The following ATP7B variants were observed in gnomAD, a reference collection of about 807,000 sequenced individuals.
ATP7B encodes copper-transporting ATPase 2.
Under a neutral mutation model 118.9 loss-of-function variants are expected in ATP7B, and 113 were observed. That is an observed-to-expected ratio of 0.95 (90% CI 0.82 to 1.11). The LOEUF is 1.11. Ranked by LOEUF, ATP7B falls within the 50% of genes most tolerant of loss-of-function variation. ATP7B has a pLI of 0.00. For synonymous variants in ATP7B, 777 were observed against 727.4 expected, an observed-to-expected ratio of 1.07 and a Z score of -1.10; for missense variants, 1,867 against 1,871.4, an observed-to-expected ratio of 1.00 and a Z score of 0.04.
intron 1 of ATP7B, among the ~76,000 whole-genome samples, chr13:51,987,807 G>A (rs1002862923): frequency 4.0e-5 from 6 of 151,890 alleles, no homozygotes; most frequent in African/African-American, 9.7e-5. Context: ...AAGCAATGGG[G>A]AAAGGATTCC....
intron 1 of ATP7B, among the ~76,000 whole-genome samples, chr13:51,984,113 C>A (rs750865297): frequency 2.6e-5 from 4 of 151,846 alleles, no homozygotes; most frequent in Non-Finnish European, 5.9e-5. Flanking sequence ...TAAAAAAACT[C>A]CACCGAGCTA....
rs377586515 is a variant in ATP7B at position 51,944,192 on chromosome 13, T to G, written c.3160A>C (p.Arg1054=). The G allele has an allele frequency of 7.2e-5, 117 of 1,614,012 alleles. No homozygotes were observed. In the Middle Eastern group the frequency reaches 1.6e-3, roughly 23 times the overall value. The change falls in exon 14 of 21, where the codon AGG becomes CGG. Residue 1054 remains arginine, a synonymous_variant. Coordinates refer to ENST00000242839, the MANE Select transcript of ATP7B (RefSeq NM_000053.4). ...LLGDVATLPL[R]KVLAVVGTAE... ...GTCCCCACCACAGCCAGAACCTTCC[T>G]GAGGGGCAGTGTGGCCACATCCCCC...
At chr13:51,964,835 T>A (rs774994734) in intron 5 of ATP7B, 37 bp downstream of exon 5, 2 of 1,606,000 alleles carry the variant, frequency 1.2e-6, no homozygotes, top group African/African-American at 2.7e-5. Context: ...TTACTGTTTT[T>A]AAAAAGGTGA....
At chr13:51,936,302 A>C (rs1956957198) in intron 19 of ATP7B, among the ~76,000 whole-genome samples, 1 of 152,172 alleles carries the variant, frequency 6.6e-6, no homozygotes, top group Admixed American at 6.5e-5. Context: ...CAGGAAGCCA[A>C]GGCCCTGTTA....
chr13:51,970,522 T>C lies in ATP7B; in HGVS notation c.1513A>G (p.Asn505Asp). 6.2e-7 allele frequency: 1 copy of C among 1,614,200 alleles called. No homozygotes were observed. The highest frequency in any genetic ancestry group is 8.5e-7 in the Non-Finnish European group (1 of 1,180,026). The change falls in exon 3 of 21, where the codon AAC becomes GAC. Residue 505 changes from asparagine (N) to aspartate (D), a missense_variant. Coordinates refer to ENST00000242839, the MANE Select transcript of ATP7B (RefSeq NM_000053.4). ...KGMTCASCVS[N>D]IERNLQKEAG... is the part of the protein sequence containing the mutation. ...TCTTTCTGCAGATTCCTTTCTATGT[T>C]AGACACACAGGATGCACAGGTCATG...
At chr13:52,005,721 T>C (rs1953735208) in intron 1 of ATP7B, among the ~76,000 whole-genome samples, 1 of 152,202 alleles carries the variant, frequency 6.6e-6, no homozygotes, top group South Asian at 2.1e-4. Context: ...GCCTCTACCC[T>C]TTACCCAGTT....
intron 7 of ATP7B, chr13:51,959,185 ATTG>A (rs1958565183): frequency 6.4e-6 from 1 of 155,834 alleles, no homozygotes; most frequent in Admixed American, 6.2e-5. Context: ...TACGGTTTGA[ATTG>A]TTAATAATAA....
rs2139960238 is a variant in ATP7B, at chr13:51,970,495, C to T, written c.1540G>A (p.Ala514Thr). ...SNIERNLQKE[A>T]GVLSVLVALM... Reference sequence around the variant, plus strand: ...AACATGGGCGTTCATCTCTTACCAGCTTCTTTCTGCAGATTCCTTTCTATG... The same window carrying T: ...AACATGGGCGTTCATCTCTTACCAGTTTCTTTCTGCAGATTCCTTTCTATG... Residue 514 changes from alanine to threonine, a missense_variant, in exon 3 of 21, where the codon GCT becomes ACT. Coordinates refer to ENST00000242839, the MANE Select transcript of ATP7B (RefSeq NM_000053.4). 6.2e-7 allele frequency: 1 copy of T among 1,614,200 alleles called. No individual in the cohort carries two copies. The highest frequency in any genetic ancestry group is 2.2e-5 in the East Asian group (1 of 44,878).
chr13:51,980,562 T>C (rs999226250), intron 1 of ATP7B, among the ~76,000 whole-genome samples: 1 of 152,238 alleles, frequency 6.6e-6, no homozygotes, highest in Non-Finnish European at 1.5e-5. Flanking sequence ...TAAGCCATTC[T>C]GATATGAAGA....
intron 20 of ATP7B, among the ~76,000 whole-genome samples, chr13:51,935,312 T>C (rs1329198716): frequency 6.6e-6 from 1 of 152,168 alleles, no homozygotes; most frequent in Non-Finnish European, 1.5e-5. Context: ...AAAAAAGTGA[T>C]AGATCATACA....
intron 1 of ATP7B, among the ~76,000 whole-genome samples, chr13:51,995,797 G>A (rs1953177350): frequency 6.6e-6 from 1 of 152,130 alleles, no homozygotes; most frequent in African/African-American, 2.4e-5. Context: ...AACCGTCCCA[G>A]CACTTGGCAC....
intron 1 of ATP7B, among the ~76,000 whole-genome samples, chr13:51,976,271 T>C (rs1175191183): frequency 6.6e-6 from 1 of 152,216 alleles, no homozygotes; most frequent in African/African-American, 2.4e-5. Context: ...CTCCTTTACA[T>C]GGAATGATCT....
At chr13:51,994,095 T>A (rs1953073111) in intron 1 of ATP7B, among the ~76,000 whole-genome samples, 1 of 152,364 alleles carries the variant, frequency 6.6e-6, no homozygotes, top group African/African-American at 2.4e-5. Context: ...ATATTTAGTA[T>A]TTCACTATTT....
intron 1 of ATP7B, among the ~76,000 whole-genome samples, chr13:51,990,918 T>C (rs889864580): frequency 2.0e-5 from 3 of 152,170 alleles, no homozygotes; most frequent in Admixed American, 6.5e-5. Context: ...TGAAACCTCA[T>C]CTCTACTAAA....
chr13:51,935,605 A>G lies in ATP7B; in HGVS notation c.4112T>C (p.Leu1371Pro), dbSNP rs1444841250. The change falls in exon 20 of 21, where the codon CTG (leucine) becomes CCG (proline). Residue 1371 changes from leucine to proline, a missense_variant. Transcript: ENST00000242839. The part of the protein sequence containing the change: ...ASSVSVVLSS[L>P]QLKCYKKPDL... ...TGAGGGGACTCACCACTTGAGCTGC[A>G]GGGATGAGAGCACCACAGACACAGA... 1 of 1,613,488 alleles carries G rather than the reference A, an allele frequency of 6.2e-7. No homozygotes were observed. The highest frequency in any genetic ancestry group is 2.2e-5 in the East Asian group (1 of 44,864).
intron 16 of ATP7B, among the ~76,000 whole-genome samples, chr13:51,939,411 C>T (rs1001991915): frequency 6.6e-6 from 1 of 152,182 alleles, no homozygotes; most frequent in South Asian, 2.1e-4. Flanking sequence ...CGCAGTGGCT[C>T]CCCAAGGAAT....
chr13:52,001,950 C>T (rs1953511047), intron 1 of ATP7B, among the ~76,000 whole-genome samples: 1 of 152,076 alleles, frequency 6.6e-6, no homozygotes, highest in South Asian at 2.1e-4. Context: ...GCCACGATGC[C>T]CAGCTTGCTT....
chr13:52,011,370 C>G lies in ATP7B; in HGVS notation c.-33G>C, dbSNP rs764314257. ...CACGGACACCGAATTCTTCTCTGAT[C>G]TGGCTCAGAGCAAAAGGTCACCTGG... On this transcript the variant is annotated 5_prime_UTR_variant, in exon 1 of 21. Coordinates refer to ENST00000242839, the MANE Select transcript of ATP7B (RefSeq NM_000053.4). The G allele has an allele frequency of 6.2e-7, 1 of 1,614,172 alleles. No homozygotes were observed. The highest frequency in any genetic ancestry group is 1.3e-5 in the African/African-American group (1 of 75,070).
rs1032983338 is a variant in ATP7B at position 51,946,181 on chromosome 13, C to A, written c.3060+103G>T. ...TTGACTTCCTATTCTATGTAATTAACACTGCTGTCTTGAGTGGCTCTCAGG... is the reference window on the plus strand; with the variant it reads ...TTGACTTCCTATTCTATGTAATTAAAACTGCTGTCTTGAGTGGCTCTCAGG... On this transcript the variant is annotated intron_variant, in intron 13 of 20. Transcript: ENST00000242839. 6.9e-6 allele frequency: 10 copies of A among 1,439,960 alleles called. No homozygotes were observed. In the Admixed American group the frequency reaches 2.0e-4, roughly 29 times the overall value. 89.2% of individuals were successfully genotyped at this position (1,439,960 alleles called of 1,614,324 possible).
Sources: allele counts gnomAD v4.1 joint callset (sites outside exome capture counted in the v4.1 genomes callset), GRCh38; gene constraint gnomAD v4.1.1; transcripts MANE v1.5; gene names NCBI Gene and HGNC (gene_info 2026-07-23, HGNC 2026-07-21).